C8orf34: variants seen among roughly 807,000 people sequenced by gnomAD.
C8orf34 encodes uncharacterized protein C8orf34.
A neutral mutation model predicts 68.3 loss-of-function variants in C8orf34; 65 were observed. The ratio of observed to expected loss-of-function variants is 0.95; its 90% CI spans 0.78 to 1.17. The LOEUF (loss-of-function observed/expected upper bound fraction) is 1.17, where lower values mean the gene tolerates loss of function less well. C8orf34 is among the 50% of genes most tolerant of loss of function. The probability of loss-of-function intolerance (pLI) is 0.00; values close to 1 mark genes in which losing one functional copy is unlikely to be tolerated. For synonymous variants in C8orf34, 244 were observed against 241.2 expected, an observed-to-expected ratio of 1.01 and a Z score of -0.11; for missense variants, 664 against 655.4, an observed-to-expected ratio of 1.01 and a Z score of -0.14.
chr8:68,712,488 G>A (rs938994352), intron 9 of C8orf34, among the ~76,000 whole-genome samples: 2 of 152,090 alleles, frequency 1.3e-5, no homozygotes, highest in African/African-American at 4.8e-5. Context: ...AGGTAAAGGG[G>A]TAGAAAAAGG....
chr8:68,380,701 T>C (rs1807994319), intron 1 of C8orf34, among the ~76,000 whole-genome samples: 1 of 152,264 alleles, frequency 6.6e-6, no homozygotes, highest in Admixed American at 6.5e-5. Flanking sequence ...TACAACTTGG[T>C]AGACATACAT....
chr8:68,615,329 G>T lies in C8orf34; in HGVS notation c.1106-25047G>T, dbSNP rs1366400308. 2.0e-5 allele frequency among the ~76,000 whole-genome samples: 3 copies of T among 146,580 alleles called. No individual in the cohort carries two copies. The East Asian group carries it at 6.0e-4, about 29-fold the overall frequency. On this transcript the variant is annotated intron_variant, in intron 7 of 13. Transcript: ENST00000518698. The stretch of plus-strand genomic sequence containing the variant: ...TGGCCAGAACTTCCAACACTATGTT[G>T]AATAGGAGTGGTGAGAGAGGGCATC...
At chr8:68,818,156 A>G in intron 13 of C8orf34, 83 bp from the exon 14 acceptor site, 1 of 1,420,840 alleles carries the variant, frequency 7.0e-7, no homozygotes, top group Non-Finnish European at 9.9e-7. Flanking sequence ...GAAAGCATTA[A>G]AATCACAATT....
At chr8:68,496,322 G>T (rs140923140) in intron 5 of C8orf34, among the ~76,000 whole-genome samples, 2 of 152,298 alleles carry the variant, frequency 1.3e-5, no homozygotes, top group South Asian at 4.1e-4. Context: ...ACAACCCCAT[G>T]AGAAAGCTCT....
chr8:68,338,603 TTAA>T (rs1272846690), intron 1 of C8orf34, among the ~76,000 whole-genome samples: 1 of 152,188 alleles, frequency 6.6e-6, no homozygotes. Flanking sequence ...CATCTTTAAG[TTAA>T]TAATTATTAA....
chr8:68,666,482 A>G (rs1009661588), intron 8 of C8orf34, among the ~76,000 whole-genome samples: 3 of 152,240 alleles, frequency 2.0e-5, no homozygotes, highest in Admixed American at 6.5e-5. Flanking sequence ...AATTCTTCCA[A>G]CCAAGTAACT....
chr8:68,656,858 T>C (rs1431844798), intron 8 of C8orf34, among the ~76,000 whole-genome samples: 1 of 152,216 alleles, frequency 6.6e-6, no homozygotes, highest in Non-Finnish European at 1.5e-5. Flanking sequence ...GTCCTGATAT[T>C]TTCTATAATT....
chr8:68,790,115 C>T (rs891503258), intron 12 of C8orf34, among the ~76,000 whole-genome samples: 16 of 152,318 alleles, frequency 1.1e-4, no homozygotes, highest in Admixed American at 3.3e-4. Flanking sequence ...AGAGTAGCTT[C>T]CATCAACCAG....
chr8:68,397,979 G>A (rs1563405292), intron 1 of C8orf34, among the ~76,000 whole-genome samples: 1 of 152,078 alleles, frequency 6.6e-6, no homozygotes, highest in Non-Finnish European at 1.5e-5. Context: ...ATGTTGGCCA[G>A]GCTGGTCTCG....
At chr8:68,663,720 A>G (rs1819754519) in intron 8 of C8orf34, among the ~76,000 whole-genome samples, 1 of 152,166 alleles carries the variant, frequency 6.6e-6, no homozygotes, top group South Asian at 2.1e-4. Flanking sequence ...AACTAGGACC[A>G]TAGGGTTTTT....
rs553632383 is a variant in C8orf34 at position 68,721,830 on chromosome 8, C to T, written c.1404+393C>T. Among the ~76,000 whole-genome samples, 14 of 151,696 alleles carry T rather than the reference C, an allele frequency of 9.2e-5. No individual in the cohort carries two copies. The South Asian group carries it at 2.5e-3, about 27-fold the overall frequency. On this transcript the variant is annotated intron_variant, in intron 10 of 13. Coordinates refer to ENST00000518698, the MANE Select transcript of C8orf34 (RefSeq NM_052958.4). ...TTCAATACAGTATTTTGGGAGAGAA[C>T]CATTAGGTTTAAGATTTTTAATGCA...
chr8:68,534,243 A>G, intron 7 of C8orf34: 1 of 985,370 alleles, frequency 1.0e-6, no homozygotes, highest in Non-Finnish European at 1.2e-6. Context: ...AGGAGATTGT[A>G]TCATGGCGTT....
chr8:68,724,557 A>G (rs1221329417), intron 10 of C8orf34, among the ~76,000 whole-genome samples: 1 of 152,158 alleles, frequency 6.6e-6, no homozygotes. Flanking sequence ...GGCAACATTT[A>G]TATTTGAAGT....
intron 11 of C8orf34, among the ~76,000 whole-genome samples, chr8:68,780,393 G>A (rs942053774): frequency 6.6e-6 from 1 of 152,186 alleles, no homozygotes; most frequent in Non-Finnish European, 1.5e-5. Context: ...AGTTGGAAAA[G>A]AAGATGAAGT....
intron 7 of C8orf34, among the ~76,000 whole-genome samples, chr8:68,560,292 A>ATTG (rs57651410): frequency 0.21 from 32,122 of 151,822 alleles, 4,404 homozygotes; most frequent in African/African-American, 0.4. Flanking sequence ...ATCATTTTTT[A>ATTG]TTGTTCACTT....
chr8:68,390,014 C>T (rs1343210362), intron 1 of C8orf34, among the ~76,000 whole-genome samples: 2 of 152,220 alleles, frequency 1.3e-5, no homozygotes, highest in African/African-American at 2.4e-5. Flanking sequence ...GTCACCACCA[C>T]CATCACTATT....
At chr8:68,681,284 T>C (rs1820362207) in intron 8 of C8orf34, among the ~76,000 whole-genome samples, 1 of 145,192 alleles carries the variant, frequency 6.9e-6, no homozygotes, top group Non-Finnish European at 1.5e-5. Context: ...GAGATTAAAG[T>C]AAAACAGGCA....
intron 12 of C8orf34, among the ~76,000 whole-genome samples, chr8:68,802,148 T>C (rs1277666878): frequency 6.6e-6 from 1 of 152,190 alleles, no homozygotes; most frequent in African/African-American, 2.4e-5. Context: ...TTGCCCAGGC[T>C]GGAATGGAAT....
chr8:68,532,061 C>A (rs1479339539), intron 6 of C8orf34, among the ~76,000 whole-genome samples: 1 of 152,072 alleles, frequency 6.6e-6, no homozygotes, highest in Non-Finnish European at 1.5e-5. Flanking sequence ...CTTTCCTTCC[C>A]TGCCAGACTT....
Sources: allele counts gnomAD v4.1 joint callset (sites outside exome capture counted in the v4.1 genomes callset), GRCh38; gene constraint gnomAD v4.1.1; transcripts MANE v1.5; gene names NCBI Gene and HGNC (gene_info 2026-07-23, HGNC 2026-07-21).